The following SLC9C1 variants were observed in gnomAD, a reference collection of about 807,000 sequenced individuals.
The protein encoded by SLC9C1 is solute carrier family 9 member C1, also known as sodium/hydrogen exchanger 10.
In SLC9C1, 97 loss-of-function variants were observed where a neutral mutation model predicts 140.9. That is an observed-to-expected ratio of 0.69 (90% CI 0.58 to 0.82). The LOEUF (loss-of-function observed/expected upper bound fraction) is 0.82. Among genes scored for constraint, SLC9C1 ranks in the 40% least tolerant of loss-of-function variants. The pLI is 0.00. For missense variants in SLC9C1, 1,340 were observed against 1,389.3 expected, an observed-to-expected ratio of 0.96 and a Z score of 0.56; for synonymous variants, 440 against 442.6, an observed-to-expected ratio of 0.99 and a Z score of 0.07.
At chr3:112,160,955 T>G (rs997831449) in intron 26 of SLC9C1, among the ~76,000 whole-genome samples, 2 of 152,120 alleles carry the variant, frequency 1.3e-5, no homozygotes, top group African/African-American at 4.8e-5. Context: ...TTTTAATGAT[T>G]GCCATTCTAA....
Position 112,204,298 on chromosome 3 carries a change from TG to T in SLC9C1, c.2091del (p.Ile698LeufsTer10). 1 of 1,564,602 alleles carries T rather than the reference TG, an allele frequency of 6.4e-7. No individual in the cohort carries two copies. On this transcript the variant is annotated frameshift_variant, in exon 17 of 29. Coordinates refer to ENST00000305815, the MANE Select transcript of SLC9C1 (RefSeq NM_183061.3). LOFTEE classifies it high-confidence loss of function. ...TCAGTCTCATTAAAAATATACTTAA[TG>T]GTGTCTATTTCAATAAGTATTACAT... ...ILHVILIEIDTIKYIFNETEV... is the reference protein window; with the variant it reads ...ILHVILIEIDXIKYIFNETEV...
At chr3:112,255,525 T>A (rs1212155172) in intron 10 of SLC9C1, among the ~76,000 whole-genome samples, 1 of 152,068 alleles carries the variant, frequency 6.6e-6, no homozygotes, top group African/African-American at 2.4e-5. Flanking sequence ...AAGAAGTTCT[T>A]CAAAACTAAT....
intron 15 of SLC9C1, among the ~76,000 whole-genome samples, chr3:112,212,755 G>A (rs2078244913): frequency 6.6e-6 from 1 of 152,214 alleles, no homozygotes; most frequent in Admixed American, 6.5e-5. Flanking sequence ...GTGACAGGGA[G>A]AATGGAATCA....
At chr3:112,165,929 T>G (rs1560020898) in intron 26 of SLC9C1, among the ~76,000 whole-genome samples, 1 of 152,214 alleles carries the variant, frequency 6.6e-6, no homozygotes, top group Non-Finnish European at 1.5e-5. Flanking sequence ...CAGTTCGATC[T>G]TCCTGGCCGC....
chr3:112,237,245 T>G (rs984928447), intron 12 of SLC9C1, among the ~76,000 whole-genome samples: 1 of 152,226 alleles, frequency 6.6e-6, no homozygotes, highest in African/African-American at 2.4e-5. Context: ...CTTTTGATCT[T>G]CGTTGGTTTA....
chr3:112,231,824 G>A (rs1411279673), intron 12 of SLC9C1, among the ~76,000 whole-genome samples: 1 of 152,084 alleles, frequency 6.6e-6, no homozygotes, highest in African/African-American at 2.4e-5. Context: ...AATCACCTGG[G>A]AATTGTTAGA....
At chr3:112,154,916 G>C in intron 27 of SLC9C1, 81 bp downstream of exon 27, 1 of 1,352,644 alleles carries the variant, frequency 7.4e-7, no homozygotes, top group Non-Finnish European at 1.0e-6. Context: ...CAGAATAAGA[G>C]AAACACATTG....
Position 112,143,463 on chromosome 3 carries a change from T to A in SLC9C1, c.3525-2182A>T, listed in dbSNP as rs576231796. 2.6e-5 allele frequency among the ~76,000 whole-genome samples: 4 copies of A among 152,250 alleles called. No individual in the cohort carries two copies. The East Asian group carries it at 7.7e-4, about 29-fold the overall frequency. ...GGTGTGAGGTAGTATCTCATTGTGGTTTTGATTTGCATTTCTCTAATGATT... is the reference window on the plus strand; with the variant it reads ...GGTGTGAGGTAGTATCTCATTGTGGATTTGATTTGCATTTCTCTAATGATT... On this transcript the variant is annotated intron_variant, in intron 28 of 28. Coordinates refer to ENST00000305815, the MANE Select transcript of SLC9C1 (RefSeq NM_183061.3).
In SLC9C1 at chr3:112,208,392, G is replaced by A. The variant is rs2078114055; in HGVS notation, c.1791-19C>T. On this transcript the variant is annotated intron_variant, in intron 15 of 28. Transcript: ENST00000305815. Reference sequence around the variant, plus strand: ...GAAGTATCTGTAAAACAAAAAGACAGTTTTATCTGATAAAAGGTTTACATT... The same window carrying A: ...GAAGTATCTGTAAAACAAAAAGACAATTTTATCTGATAAAAGGTTTACATT... 1 of 1,455,622 alleles carries A rather than the reference G, an allele frequency of 6.9e-7. No individual in the cohort carries two copies. The highest frequency in any genetic ancestry group is 9.3e-7 in the Non-Finnish European group (1 of 1,080,212). 90.2% of individuals were successfully genotyped at this position (1,455,622 alleles called of 1,614,324 possible). A position where few individuals can be genotyped will look rare whatever the true frequency, so the allele number is the denominator to read the frequency against.
Position 112,277,692 on chromosome 3 carries a change from T to C in SLC9C1, c.484+3A>G, listed in dbSNP as rs746407527. On this transcript the variant is annotated splice_donor_region_variant and intron_variant, in intron 5 of 28. Coordinates refer to ENST00000305815, the MANE Select transcript of SLC9C1 (RefSeq NM_183061.3). ...ATATAGAAAAAGAGAACAATATACC[T>C]ACCAAGGTCTCTTATAGCAGCTGCG... 1 of 1,555,484 alleles carries C rather than the reference T, an allele frequency of 6.4e-7. No homozygotes were observed. Among genetic ancestry groups the C allele is most frequent in the Non-Finnish European group, 8.6e-7 (1 of 1,156,676 alleles).
In SLC9C1 at chr3:112,274,926, C is replaced by A. The variant is rs1208577800; in HGVS notation, c.584G>T (p.Arg195Ile). Residue 195 changes from arginine to isoleucine, a missense_variant, in exon 6 of 29, where the codon AGA becomes ATA. Physicochemically the swap from Arg to Ile is moderately conservative, Grantham distance 97. Coordinates refer to ENST00000305815, the MANE Select transcript of SLC9C1 (RefSeq NM_183061.3). ...GGTATGGTTTCTTTTACTTTGTAGT[C>A]TTTGGTCAAAATCCATAATACTAGT... ...TFTSIMDFDQ[R>I]LQSKRNHTLA... 6 of 1,563,904 alleles carry A rather than the reference C, an allele frequency of 3.8e-6. No individual in the cohort carries two copies. In the East Asian group the frequency reaches 1.1e-4, roughly 30 times the overall value.
intron 4 of SLC9C1, among the ~76,000 whole-genome samples, chr3:112,278,190 C>T (rs1399876663): frequency 6.6e-6 from 1 of 152,132 alleles, no homozygotes; most frequent in African/African-American, 2.4e-5. Flanking sequence ...ATTTACAAAA[C>T]TGTTTTGATT....
chr3:112,272,334 G>A (rs1314460091), intron 6 of SLC9C1, among the ~76,000 whole-genome samples: 1 of 152,150 alleles, frequency 6.6e-6, no homozygotes, highest in East Asian at 1.9e-4. Context: ...TCAAAGCAAA[G>A]CCATTACTGC....
chr3:112,215,898 G>A (rs1337495956), intron 15 of SLC9C1, among the ~76,000 whole-genome samples: 1 of 152,198 alleles, frequency 6.6e-6, no homozygotes, highest in Non-Finnish European at 1.5e-5. Context: ...ACATTGCTAA[G>A]TCAATCATAA....
At chr3:112,179,482 A>G in intron 23 of SLC9C1, 49 bp downstream of exon 23, 1 of 1,545,486 alleles carries the variant, frequency 6.5e-7, no homozygotes, top group Non-Finnish European at 8.8e-7. Context: ...CTTAAATCTG[A>G]TATTATTTAA....
intron 2 of SLC9C1, 139 bp from the exon 3 acceptor site, chr3:112,280,922 T>TA (rs1193431137): frequency 7.0e-6 from 5 of 715,098 alleles, no homozygotes; most frequent in Non-Finnish European, 1.2e-5. Context: ...CCCTCACACT[T>TA]ATCAGCACAC....
intron 10 of SLC9C1, among the ~76,000 whole-genome samples, chr3:112,247,624 C>G (rs1420244289): frequency 6.6e-6 from 1 of 152,162 alleles, no homozygotes; most frequent in Admixed American, 6.6e-5. Flanking sequence ...CTAACTACAC[C>G]AGGCTAAGTG....
rs1366422204 is a variant in SLC9C1, at chr3:112,274,929, T to C, written c.581A>G (p.Gln194Arg). 1 of 1,565,602 alleles carries C rather than the reference T, an allele frequency of 6.4e-7. No homozygotes were observed. The highest frequency in any genetic ancestry group is 8.6e-7 in the Non-Finnish European group (1 of 1,165,076). ...ATGGTTTCTTTTACTTTGTAGTCTT[T>C]GGTCAAAATCCATAATACTAGTAAA... ...ITFTSIMDFD[Q>R]RLQSKRNHTL... The change falls in exon 6 of 29, where the codon CAA becomes CGA. Residue 194 changes from glutamine (Q) to arginine (R), a missense_variant. Physicochemically the swap from Gln to Arg is conservative, Grantham distance 43. Transcript: ENST00000305815.
At chr3:112,171,742 C>G (rs938312317) in intron 23 of SLC9C1, among the ~76,000 whole-genome samples, 4 of 152,176 alleles carry the variant, frequency 2.6e-5, no homozygotes, top group African/African-American at 9.6e-5. Context: ...TTATATAGTT[C>G]TATCTTTCAT....
Sources: gnomAD v4.1 joint callset for allele counts (sites outside exome capture counted in the v4.1 genomes callset) on GRCh38, gnomAD v4.1.1 for gene constraint, MANE v1.5 for transcripts, NCBI Gene and HGNC (gene_info 2026-07-23, HGNC 2026-07-21) for gene names.